Variants in LHX2 observed in about 807,000 individuals in gnomAD.
LHX2 encodes the protein LIM/homeobox protein Lhx2.
In LHX2, 6 loss-of-function variants were observed where a neutral mutation model predicts 33.0. That is an observed-to-expected ratio of 0.18 (90% CI 0.10 to 0.36). LHX2 has a LOEUF of 0.36. LHX2 is among the 10% of genes least tolerant of loss of function. LHX2 has a pLI of 1.00. For synonymous variants in LHX2, 292 were observed against 253.1 expected (o/e 1.15, Z -1.46); for missense variants, 442 against 586.2 (o/e 0.75, Z 2.54).
chr9:124,026,381 A>G (rs1309319623), intron 4 of LHX2, among the ~76,000 whole-genome samples: 2 of 151,430 alleles, frequency 1.3e-5, no homozygotes, highest in Admixed American at 6.6e-5. Context: ...GGATCGCTTG[A>G]GCCCAGGAGG....
At position 124,032,261 on chromosome 9, in the gene LHX2, A is replaced by G; in HGVS notation, c.934-159A>G. On this transcript the variant is annotated intron_variant, in intron 4 of 4. Transcript: ENST00000373615. The surrounding 1 kb of genome is among the most constrained non-coding windows in gnomAD (Gnocchi z 4.1). ...TGTCTGCAAACAAAAACAAAAACAA[A>G]AAAACCAAAAAAGCAAAATATTGCC... The G allele has an allele frequency of 1.1e-6, 1 of 874,182 alleles. No homozygotes were observed. Among genetic ancestry groups the G allele is most frequent in the Non-Finnish European group, 1.7e-6 (1 of 594,946 alleles). The allele number at this position is 874,182 out of a possible 1,614,324, so 54.2% of individuals were successfully genotyped here.
intron 4 of LHX2, among the ~76,000 whole-genome samples, chr9:124,024,587 T>G (rs992781445): frequency 6.6e-6 from 1 of 152,210 alleles, no homozygotes; most frequent in Non-Finnish European, 1.5e-5. Context: ...TTACTGGTGG[T>G]TGCACGGAGT....
At chr9:124,020,291 C>G (rs776178694) in intron 3 of LHX2, among the ~76,000 whole-genome samples, 80 of 152,244 alleles carry the variant, frequency 5.3e-4, no homozygotes, top group Non-Finnish European at 1.0e-3. Context: ...CTTCCTTCCC[C>G]GTCCACTCTG....
At chr9:124,031,633 T>C (rs1265323285) in intron 4 of LHX2, 7 of 152,240 alleles carry the variant, frequency 4.6e-5, no homozygotes, top group Non-Finnish European at 1.0e-4. Context: ...GTAAAATTAA[T>C]TTTAATAATG....
Position 124,032,363 on chromosome 9 carries a change from C to G in LHX2, c.934-57C>G, listed in dbSNP as rs1389523815. The G allele has an allele frequency of 2.0e-6, 3 of 1,517,354 alleles. No homozygotes were observed. Among genetic ancestry groups the G allele is most frequent in the African/African-American group, 1.4e-5 (1 of 73,142 alleles). The allele number at this position is 1,517,354 out of a possible 1,614,324, so 94.0% of individuals were successfully genotyped here. Reference sequence around the variant, plus strand: ...GCAGCAGAGCTCTGAGTGAAGCAGTCGGGGGGATGCTCTGCCTGCCTTCCG... The same window carrying G: ...GCAGCAGAGCTCTGAGTGAAGCAGTGGGGGGGATGCTCTGCCTGCCTTCCG... On this transcript the variant is annotated intron_variant, in intron 4 of 4. Coordinates refer to ENST00000373615, the MANE Select transcript of LHX2 (RefSeq NM_004789.4). The surrounding 1 kb of genome is among the most constrained non-coding windows in gnomAD (Gnocchi z 4.1).
At chr9:124,029,076 C>T (rs1378311981) in intron 4 of LHX2, among the ~76,000 whole-genome samples, 6 of 152,092 alleles carry the variant, frequency 3.9e-5, no homozygotes, top group African/African-American at 1.4e-4. Flanking sequence ...CGTGCCACTG[C>T]ACTCCAGCCT....
At chr9:124,031,982 C>G (rs1828708711) in intron 4 of LHX2, 1 of 155,258 alleles carries the variant, frequency 6.4e-6, no homozygotes, top group Non-Finnish European at 1.4e-5. Context: ...ATCTGTAATC[C>G]CAACGCTTTA....
At chr9:124,022,934 C>T (rs1306650331) in intron 4 of LHX2, among the ~76,000 whole-genome samples, 1 of 152,208 alleles carries the variant, frequency 6.6e-6, no homozygotes, top group Non-Finnish European at 1.5e-5. Context: ...GCCGATGCGC[C>T]CCTCTGGGCC....
intron 1 of LHX2, 78 bp from the exon 2 acceptor site, chr9:124,013,883 T>C: frequency 2.2e-6 from 3 of 1,373,490 alleles, no homozygotes; most frequent in South Asian, 1.2e-5. Flanking sequence ...GAGGGAGTTG[T>C]GGGTGCCGGT....
intron 4 of LHX2, 110 bp downstream of exon 4, chr9:124,021,414 C>T: frequency 1.2e-6 from 1 of 867,220 alleles, no homozygotes. Context: ...GTCTGCTTCT[C>T]TGTGTGTTTA....
At position 124,032,754 on chromosome 9, in the gene LHX2, C is replaced by G; in HGVS notation, c.*47C>G. On this transcript the variant is annotated 3_prime_UTR_variant, in exon 5 of 5. Coordinates refer to ENST00000373615, the MANE Select transcript of LHX2 (RefSeq NM_004789.4). The surrounding 1 kb of genome is among the most constrained non-coding windows in gnomAD (Gnocchi z 4.1). Reference sequence around the variant, plus strand: ...ACAATTTCTTTAAAAAAGAAATTATCTTTAGTTGAATTCCAAGTGTATTTT... The same window carrying G: ...ACAATTTCTTTAAAAAAGAAATTATGTTTAGTTGAATTCCAAGTGTATTTT... 6.7e-7 allele frequency: 1 copy of G among 1,501,298 alleles called. No homozygotes were observed. The highest frequency in any genetic ancestry group is 1.3e-5 in the South Asian group (1 of 74,320). 93.0% of individuals were successfully genotyped at this position (1,501,298 alleles called of 1,614,324 possible).
intron 4 of LHX2, among the ~76,000 whole-genome samples, chr9:124,028,282 G>A (rs1163249320): frequency 1.3e-5 from 2 of 152,178 alleles, no homozygotes; most frequent in African/African-American, 2.4e-5. Context: ...GATCTACCGC[G>A]CACCAGGCTG....
intron 4 of LHX2, among the ~76,000 whole-genome samples, chr9:124,025,592 G>T (rs1315604992): frequency 2.0e-5 from 3 of 152,162 alleles, no homozygotes; most frequent in Non-Finnish European, 4.4e-5. Flanking sequence ...TTGGGGAAGT[G>T]AGTGATGAGC....
rs1456694567 is a variant in LHX2, at chr9:124,032,850, A to C, written c.*143A>C. 1 of 918,148 alleles carries C rather than the reference A, an allele frequency of 1.1e-6. No individual in the cohort carries two copies. Among genetic ancestry groups the C allele is most frequent in the African/African-American group, 1.7e-5 (1 of 59,154 alleles). The allele number at this position is 918,148 out of a possible 1,614,324, so 56.9% of individuals were successfully genotyped here. A position where few individuals can be genotyped will look rare whatever the true frequency, so the allele number is the denominator to read the frequency against. ...GCCTGGAAACAGAGGTAAAAAAAAG[A>C]AGTGTGCGCCCGGCTAATGCAGCGG... On this transcript the variant is annotated 3_prime_UTR_variant, in exon 5 of 5. Transcript: ENST00000373615. The surrounding 1 kb of genome is among the most constrained non-coding windows in gnomAD (Gnocchi z 4.1).
Position 124,018,287 on chromosome 9 carries a change from GGAGA to G in LHX2, c.727+2767_727+2770del, listed in dbSNP as rs1859228999. On this transcript the variant is annotated intron_variant, in intron 3 of 4. Coordinates refer to ENST00000373615, the MANE Select transcript of LHX2 (RefSeq NM_004789.4). ...TAATTGAGAGGAAAAAAAAAAAAAA[GGAGA>G]GAGAAAGCCCGGGTCCTCCCCCTCC... Among the ~76,000 whole-genome samples, 2 of 132,304 alleles carry G rather than the reference GGAGA, an allele frequency of 1.5e-5. 1 individual carries two copies. Among genetic ancestry groups the G allele is most frequent in the South Asian group, 4.7e-4 (2 of 4,268 alleles). 86.8% of individuals were successfully genotyped at this position (132,304 alleles called of 152,430 possible).
intron 4 of LHX2, among the ~76,000 whole-genome samples, chr9:124,030,024 T>G (rs1828686384): frequency 6.6e-6 from 1 of 152,168 alleles, no homozygotes; most frequent in Admixed American, 6.5e-5. Context: ...CTGTACTTAT[T>G]TGCCAGCCCC....
In LHX2 at chr9:124,016,763, T is replaced by G. The variant is rs1041669380; in HGVS notation, c.727+1238T>G. ...AGTTTGGTAAATGGTGAAGCAGCGG[T>G]AGGCCGGTCGGTGGCGCGGATTTAA... On this transcript the variant is annotated intron_variant, in intron 3 of 4. Coordinates refer to ENST00000373615, the MANE Select transcript of LHX2 (RefSeq NM_004789.4). The surrounding 1 kb of genome is among the most constrained non-coding windows in gnomAD (Gnocchi z 4.4). Among the ~76,000 whole-genome samples the G allele has an allele frequency of 2.0e-5, 3 of 152,230 alleles. No homozygotes were observed. The highest frequency in any genetic ancestry group is 4.4e-5 in the Non-Finnish European group (3 of 68,020).
chr9:124,025,298 G>A (rs542164205), intron 4 of LHX2, among the ~76,000 whole-genome samples: 3 of 152,136 alleles, frequency 2.0e-5, no homozygotes, highest in South Asian at 2.1e-4. Context: ...AAAATTAGCC[G>A]GGCGTGGTGG....
intron 4 of LHX2, among the ~76,000 whole-genome samples, chr9:124,023,488 G>T (rs1828553768): frequency 1.3e-5 from 2 of 152,154 alleles, no homozygotes; most frequent in South Asian, 4.1e-4. Context: ...GGAAGACCTG[G>T]GCTGGGTTCA....
Sources: gnomAD v4.1 joint callset for allele counts (sites outside exome capture counted in the v4.1 genomes callset) on GRCh38, gnomAD v4.1.1 for gene constraint, Gnocchi (gnomAD v3.1) non-coding constraint, MANE v1.5 for transcripts, NCBI Gene and HGNC (gene_info 2026-07-23, HGNC 2026-07-21) for gene names.